Variants in RAB6A observed in about 807,000 individuals in gnomAD.
RAB6A encodes RAB6A, member RAS oncogene family.
RAB6A carries 8 observed loss-of-function variants against 32.3 expected under a neutral mutation model. The ratio of observed to expected loss-of-function variants is 0.25; its 90% CI spans 0.15 to 0.45. The LOEUF is 0.45. Among genes scored for constraint, RAB6A ranks in the 20% least tolerant of loss-of-function variants. The probability of loss-of-function intolerance (pLI) is 1.00; values close to 1 mark genes in which losing one functional copy is unlikely to be tolerated. For synonymous variants in RAB6A, 73 were observed against 82.1 expected (o/e 0.89, Z 0.60); for missense variants, 104 against 249.4 (o/e 0.42, Z 3.93).
intron 1 of RAB6A, among the ~76,000 whole-genome samples, chr11:73,756,225 G>A (rs375831709): frequency 1.6e-4 from 25 of 151,942 alleles, no homozygotes; most frequent in African/African-American, 4.6e-4. Flanking sequence ...GTGGTGGTGC[G>A]TGCCTGTTGT....
intron 1 of RAB6A, among the ~76,000 whole-genome samples, chr11:73,747,445 C>G (rs962178378): frequency 7.7e-6 from 1 of 130,054 alleles, no homozygotes; most frequent in Non-Finnish European, 1.7e-5. Flanking sequence ...AACCCCCCCC[C>G]GCCCCGCCCC....
At chr11:73,688,435 G>C (rs2134877148) in intron 6 of RAB6A, among the ~76,000 whole-genome samples, 1 of 152,276 alleles carries the variant, frequency 6.6e-6, no homozygotes, top group Non-Finnish European at 1.5e-5. Flanking sequence ...GGAAGAGAGA[G>C]ACAGATTTGA....
At chr11:73,738,736 G>A (rs530989111) in intron 1 of RAB6A, among the ~76,000 whole-genome samples, 1 of 152,194 alleles carries the variant, frequency 6.6e-6, no homozygotes, top group African/African-American at 2.4e-5. Context: ...CTTGAGGTCA[G>A]GAGTTTGAGG....
chr11:73,709,959 ATATT>A (rs1312534746), intron 5 of RAB6A, among the ~76,000 whole-genome samples: 1 of 62,174 alleles, frequency 1.6e-5, no homozygotes, highest in East Asian at 4.5e-4. Context: ...ACATATATAT[ATATT>A]TTTTTTTTTT....
intron 5 of RAB6A, among the ~76,000 whole-genome samples, chr11:73,709,065 C>T (rs931748554): frequency 5.3e-5 from 8 of 152,048 alleles, no homozygotes; most frequent in South Asian, 2.1e-4. Flanking sequence ...GAGAGTAAAC[C>T]GCCAATCTGC....
chr11:73,728,619 T>TAATAATAATA (rs1946260024), intron 2 of RAB6A, among the ~76,000 whole-genome samples: 1 of 146,864 alleles, frequency 6.8e-6, no homozygotes. Context: ...TAAATAATAA[T>TAATAATAATA]AATAATAATA....
chr11:73,746,936 TTTG>T (rs957042556), intron 1 of RAB6A, among the ~76,000 whole-genome samples: 13 of 152,236 alleles, frequency 8.5e-5, no homozygotes, highest in South Asian at 4.1e-4. Flanking sequence ...AGGACTGTTT[TTTG>T]TTGTTGTTGT....
chr11:73,678,136 T>C (rs1340523657), intron 7 of RAB6A, among the ~76,000 whole-genome samples, 174 bp from the exon 8 acceptor site: 1 of 152,224 alleles, frequency 6.6e-6, no homozygotes, highest in Non-Finnish European at 1.5e-5. Context: ...AACTTGTTTA[T>C]ATCTACTATA....
chr11:73,688,958 T>C (rs539686426), intron 6 of RAB6A, among the ~76,000 whole-genome samples: 7 of 152,080 alleles, frequency 4.6e-5, no homozygotes, highest in Non-Finnish European at 1.0e-4. Flanking sequence ...CAGGGAGACC[T>C]TGTCTCTATA....
intron 6 of RAB6A, 27 bp downstream of exon 6, chr11:73,707,393 C>T (rs909112318): frequency 6.6e-7 from 1 of 1,508,012 alleles, no homozygotes. Flanking sequence ...CATATTTTTT[C>T]AATTTGGTAA....
At chr11:73,697,115 A>C (rs1177650377) in intron 6 of RAB6A, among the ~76,000 whole-genome samples, 1 of 151,974 alleles carries the variant, frequency 6.6e-6, no homozygotes, top group African/African-American at 2.4e-5. Flanking sequence ...TATTCCTTAA[A>C]CATGACAAGT....
rs189049097 is a variant in RAB6A at position 73,740,148 on chromosome 11, C to T, written c.71-9325G>A. ...TCTGACCTGCTTCATAATTCTTGGT[C>T]AATAACATTGGCCAGATAGTATTGA... On this transcript the variant is annotated intron_variant, in intron 1 of 7. Coordinates refer to ENST00000336083, the MANE Select transcript of RAB6A (RefSeq NM_198896.2). Among the ~76,000 whole-genome samples, 289 of 151,744 alleles carry T rather than the reference C, an allele frequency of 1.9e-3. 3 individuals are homozygous for T. The highest frequency in any genetic ancestry group is 6.9e-3 in the African/African-American group (284 of 41,370).
Position 73,709,902 on chromosome 11 carries a change from C to CAT in RAB6A, c.402-2390_402-2389insAT, listed in dbSNP as rs1945919051. ...ATACATATATACATATATATACACACACATATATACATATATATACACATA... is the reference window on the plus strand; with the variant it reads ...ATACATATATACATATATATACACACATACATATATACATATATATACACATA... On this transcript the variant is annotated intron_variant, in intron 5 of 7. Transcript: ENST00000336083. Among the ~76,000 whole-genome samples the CAT allele has an allele frequency of 1.1e-4, 16 of 146,348 alleles. No homozygotes were observed. In the South Asian group the frequency reaches 2.1e-3, roughly 20 times the overall value.
intron 6 of RAB6A, among the ~76,000 whole-genome samples, chr11:73,693,227 G>T (rs1027582101): frequency 2.0e-4 from 31 of 152,180 alleles, no homozygotes; most frequent in African/African-American, 7.0e-4. Flanking sequence ...GGCAGAGGTT[G>T]CAGTGAGCTG....
At chr11:73,753,309 C>A (rs1946695942) in intron 1 of RAB6A, among the ~76,000 whole-genome samples, 1 of 152,038 alleles carries the variant, frequency 6.6e-6, no homozygotes, top group Non-Finnish European at 1.5e-5. Flanking sequence ...AAGTGACTCT[C>A]CTGCCTCAGC....
At position 73,756,953 on chromosome 11, in the gene RAB6A, C is replaced by T. The variant is rs539550453; in HGVS notation, c.70+3613G>A. 8.6e-5 allele frequency among the ~76,000 whole-genome samples: 13 copies of T among 151,742 alleles called. No homozygotes were observed. The South Asian group carries it at 2.1e-3, about 24-fold the overall frequency. On this transcript the variant is annotated intron_variant, in intron 1 of 7. Coordinates refer to ENST00000336083, the MANE Select transcript of RAB6A (RefSeq NM_198896.2). ...ACTCCTAAAGTGCTGGGATTACAGG[C>T]GTGAGCCACCACGCCCAGCCAAACA...
At chr11:73,689,606 C>T (rs1217066609) in intron 6 of RAB6A, among the ~76,000 whole-genome samples, 2 of 152,176 alleles carry the variant, frequency 1.3e-5, no homozygotes, top group African/African-American at 2.4e-5. Flanking sequence ...TTAGATAACT[C>T]TTTCAACCAA....
chr11:73,722,339 A>ATTTT (rs1946153350), intron 2 of RAB6A: 1 of 10,664 alleles, frequency 9.4e-5, no homozygotes, highest in African/African-American at 2.1e-4. Context: ...ATATATATAT[A>ATTTT]TATATTTTTT....
At chr11:73,752,321 T>C (rs1210812113) in intron 1 of RAB6A, among the ~76,000 whole-genome samples, 1 of 152,136 alleles carries the variant, frequency 6.6e-6, no homozygotes, top group Admixed American at 6.6e-5. Flanking sequence ...CCAGGTATGG[T>C]GGCAGATGCC....
Sources: allele counts gnomAD v4.1 joint callset (sites outside exome capture counted in the v4.1 genomes callset), GRCh38; gene constraint gnomAD v4.1.1; transcripts MANE v1.5; gene names NCBI Gene and HGNC (gene_info 2026-07-23, HGNC 2026-07-21).